TTC7B: variants seen among roughly 807,000 people sequenced by gnomAD.
TTC7B encodes the protein tetratricopeptide repeat domain 7B.
In TTC7B, 28 loss-of-function variants were observed where a neutral mutation model predicts 106.8. That is an observed-to-expected ratio of 0.26 (90% confidence interval 0.19 to 0.36). The LOEUF is 0.36. Ranked by LOEUF, TTC7B falls within the 10% of genes least tolerant of loss-of-function variation. The pLI is 1.00. For synonymous variants in TTC7B, 405 were observed against 430.6 expected (o/e 0.94, Z 0.74); for missense variants, 862 against 1,076.4 (o/e 0.80, Z 2.79).
At chr14:90,565,002 C>A (rs1322283272) in intron 19 of TTC7B, among the ~76,000 whole-genome samples, 1 of 152,250 alleles carries the variant, frequency 6.6e-6, no homozygotes, top group Non-Finnish European at 1.5e-5. Flanking sequence ...TCTGTCTGCA[C>A]TTGTTGCTTC....
At position 90,555,188 on chromosome 14, in the gene TTC7B, C is replaced by T. The variant is rs1278655068; in HGVS notation, c.2311-13599G>A. ...CAGGAAACACATTCCAACAGTCCTT[C>T]CCTGATGGTCAGCTGACCCTGGACC... is the stretch of plus-strand genomic sequence containing the variant. On this transcript the variant is annotated intron_variant, in intron 19 of 19. Coordinates refer to ENST00000328459, the MANE Select transcript of TTC7B (RefSeq NM_001010854.2). Among the ~76,000 whole-genome samples, 3 of 152,222 alleles carry T rather than the reference C, an allele frequency of 2.0e-5. No individual in the cohort carries two copies. The East Asian group carries it at 5.8e-4, about 29-fold the overall frequency.
At chr14:90,641,349 C>T (rs1885163104) in intron 15 of TTC7B, among the ~76,000 whole-genome samples, 6 of 152,226 alleles carry the variant, frequency 3.9e-5, no homozygotes, top group Admixed American at 3.9e-4. Flanking sequence ...GTTTCACCTC[C>T]ATCAAGGCCT....
At chr14:90,651,809 T>G (rs1885729383) in intron 13 of TTC7B, among the ~76,000 whole-genome samples, 1 of 152,162 alleles carries the variant, frequency 6.6e-6, no homozygotes, top group Non-Finnish European at 1.5e-5. Context: ...CTGAAACCAC[T>G]GATCATGATT....
intron 19 of TTC7B, among the ~76,000 whole-genome samples, chr14:90,557,523 T>G (rs957583824): frequency 6.6e-6 from 1 of 152,216 alleles, no homozygotes; most frequent in Non-Finnish European, 1.5e-5. Context: ...CCTTAGTGTG[T>G]ATCTGTTCTT....
At chr14:90,609,676 C>G (rs1291886840) in intron 17 of TTC7B, among the ~76,000 whole-genome samples, 1 of 152,192 alleles carries the variant, frequency 6.6e-6, no homozygotes, top group Admixed American at 6.5e-5. Flanking sequence ...GATAGAAATT[C>G]AGTTGTACAC....
At position 90,701,842 on chromosome 14, in the gene TTC7B, C is replaced by T. The variant is rs1423429441; in HGVS notation, c.699-6264G>A. ...TATATGGAAAGAGAGAGAGAGAACA[C>T]TCATACCTACTATGCACTAAGAAGT... On this transcript the variant is annotated intron_variant, in intron 5 of 19. Transcript: ENST00000328459. 4.6e-5 allele frequency among the ~76,000 whole-genome samples: 7 copies of T among 150,766 alleles called. No homozygotes were observed. In the East Asian group the frequency reaches 1.4e-3, roughly 29 times the overall value.
chr14:90,633,054 C>T (rs938945100), intron 15 of TTC7B, among the ~76,000 whole-genome samples: 1 of 152,176 alleles, frequency 6.6e-6, no homozygotes, highest in South Asian at 2.1e-4. Context: ...GCTGAGGCCA[C>T]GGACAGAAGT....
At position 90,542,255 on chromosome 14, in the gene TTC7B, T is replaced by A. The variant is rs961519308; in HGVS notation, c.2311-666A>T. 3.9e-5 allele frequency among the ~76,000 whole-genome samples: 6 copies of A among 152,114 alleles called. No individual in the cohort carries two copies. The South Asian group carries it at 1.3e-3, about 32-fold the overall frequency. On this transcript the variant is annotated intron_variant, in intron 19 of 19. Coordinates refer to ENST00000328459, the MANE Select transcript of TTC7B (RefSeq NM_001010854.2). ...GGCCTGGCCTGTCGTCTTTTTTTTTTAAACTAAAGAAACCATTGGTGGAAT... is the reference window on the plus strand; with the variant it reads ...GGCCTGGCCTGTCGTCTTTTTTTTTAAAACTAAAGAAACCATTGGTGGAAT...
chr14:90,720,266 G>A (rs916555886), intron 5 of TTC7B, among the ~76,000 whole-genome samples: 2 of 152,088 alleles, frequency 1.3e-5, no homozygotes, highest in Non-Finnish European at 2.9e-5. Flanking sequence ...ACCACCAATT[G>A]TAGGTTAATT....
intron 19 of TTC7B, among the ~76,000 whole-genome samples, chr14:90,549,630 C>T (rs1249314758): frequency 6.6e-6 from 1 of 152,070 alleles, no homozygotes; most frequent in African/African-American, 2.4e-5. Flanking sequence ...GGGAGGGGCA[C>T]GTTGCTCTCT....
chr14:90,578,080 G>A lies in TTC7B; in HGVS notation c.2310+26C>T. 6.3e-7 allele frequency: 1 copy of A among 1,583,056 alleles called. No individual in the cohort carries two copies. Among genetic ancestry groups the A allele is most frequent in the African/African-American group, 1.3e-5 (1 of 74,704 alleles). ...AGGGCTGTCCCCATGCCAGAGTAGG[G>A]GCCACCGCCGGGCTCGTGGACTCAC... On this transcript the variant is annotated intron_variant, in intron 19 of 19. Transcript: ENST00000328459. This position sits in a 1 kb window ranked among gnomAD's most constrained non-coding sequence, Gnocchi z 4.7.
Position 90,647,108 on chromosome 14 carries a change from A to G in TTC7B, c.1518-85T>C, listed in dbSNP as rs932474046. On this transcript the variant is annotated intron_variant, in intron 13 of 19. Coordinates refer to ENST00000328459, the MANE Select transcript of TTC7B (RefSeq NM_001010854.2). ...TCAAGCAAGTCTTCTCCACATTTGC[A>G]TTCTTATACTAAGGGCCCGTATTTA... 45 of 1,141,040 alleles carry G rather than the reference A, an allele frequency of 3.9e-5. 1 individual carries two copies. The South Asian group carries it at 5.6e-4, about 14-fold the overall frequency. 70.7% of individuals were successfully genotyped at this position (1,141,040 alleles called of 1,614,324 possible). A position where few individuals can be genotyped will look rare whatever the true frequency, so the allele number is the denominator to read the frequency against.
intron 14 of TTC7B, chr14:90,646,660 G>T (rs1167666860): frequency 7.5e-6 from 3 of 399,170 alleles, no homozygotes; most frequent in Non-Finnish European, 1.4e-5. Flanking sequence ...CTGGGTTCAG[G>T]GTATATGCCA....
intron 7 of TTC7B, among the ~76,000 whole-genome samples, chr14:90,681,488 CA>C (rs35635095): frequency 1.4e-3 from 192 of 140,880 alleles, no homozygotes; most frequent in Admixed American, 1.8e-3. Flanking sequence ...CAATAAAAGG[CA>C]AAAAAAAAAA....
At chr14:90,617,258 A>G (rs1442090590) in intron 16 of TTC7B, among the ~76,000 whole-genome samples, 1 of 152,234 alleles carries the variant, frequency 6.6e-6, no homozygotes, top group African/African-American at 2.4e-5. Flanking sequence ...ACCCTGCAGT[A>G]AAGAACCCCA....
intron 4 of TTC7B, 146 bp from the exon 5 acceptor site, chr14:90,730,342 G>T: frequency 1.1e-6 from 1 of 950,860 alleles, no homozygotes; most frequent in South Asian, 2.3e-5. Flanking sequence ...AGAAGTGCAA[G>T]CATTAGAAAA....
chr14:90,669,791 AAG>A (rs1886563547), intron 9 of TTC7B, among the ~76,000 whole-genome samples: 1 of 152,246 alleles, frequency 6.6e-6, no homozygotes, highest in Non-Finnish European at 1.5e-5. Flanking sequence ...AGTGCTGGTG[AAG>A]AAGTGGAGAA....
intron 9 of TTC7B, among the ~76,000 whole-genome samples, chr14:90,661,787 A>G (rs1886218746): frequency 6.6e-6 from 1 of 152,186 alleles, no homozygotes; most frequent in Admixed American, 6.5e-5. Flanking sequence ...AAGAGGAATG[A>G]TAAATATCAA....
intron 15 of TTC7B, among the ~76,000 whole-genome samples, chr14:90,622,130 T>C (rs1044618487): frequency 1.3e-5 from 2 of 151,582 alleles, no homozygotes; most frequent in Non-Finnish European, 2.9e-5. Flanking sequence ...TTTTTTTTTT[T>C]TTTTTGAGAC....
Sources: allele counts gnomAD v4.1 joint callset (sites outside exome capture counted in the v4.1 genomes callset), GRCh38; gene constraint gnomAD v4.1.1; non-coding constraint Gnocchi (gnomAD v3.1); transcripts MANE v1.5; gene names NCBI Gene and HGNC (gene_info 2026-07-23, HGNC 2026-07-21).